Variants in KLF6 observed in about 807,000 individuals in gnomAD.
KLF6 encodes the protein KLF transcription factor 6.
For synonymous variants in KLF6, 152 were observed against 147.9 expected, an observed-to-expected ratio of 1.03 and a Z score of -0.20; for missense variants, 233 against 359.8, an observed-to-expected ratio of 0.65 and a Z score of 2.85.
Position 3,780,350 on chromosome 10 carries a change from C to A in KLF6, c.677-121G>T. ...CCAGGGACCCAGTGGCTTCTGGCAT[C>A]GGTAACACACAACAACTGGCAGCCT... On this transcript the variant is annotated intron_variant, in intron 2 of 3. Coordinates refer to ENST00000497571, the MANE Select transcript of KLF6 (RefSeq NM_001300.6). The surrounding 1 kb of genome is among the most constrained non-coding windows in gnomAD (Gnocchi z 4.6). 8.4e-7 allele frequency: 1 copy of A among 1,186,322 alleles called. No individual in the cohort carries two copies. The highest frequency in any genetic ancestry group is 1.2e-6 in the Non-Finnish European group (1 of 804,940). The allele number at this position is 1,186,322 out of a possible 1,614,324, so 73.5% of individuals were successfully genotyped here.
chr10:3,784,876 C>T, intron 1 of KLF6, 37 bp downstream of exon 1: 1 of 1,582,240 alleles, frequency 6.3e-7, no homozygotes, highest in Non-Finnish European at 8.6e-7. Flanking sequence ...GGCCCGCGCC[C>T]CGGCGCCCGC....
rs1205979759 is a variant in KLF6 at position 3,782,637 on chromosome 10, C to T, written c.103-423G>A. 6.6e-6 allele frequency among the ~76,000 whole-genome samples: 1 copy of T among 152,210 alleles called. No individual in the cohort carries two copies. The highest frequency in any genetic ancestry group is 1.5e-5 in the Non-Finnish European group (1 of 68,038). On this transcript the variant is annotated intron_variant, in intron 1 of 3. Coordinates refer to ENST00000497571, the MANE Select transcript of KLF6 (RefSeq NM_001300.6). The surrounding 1 kb of genome is among the most constrained non-coding windows in gnomAD (Gnocchi z 4.3). ...GAACCATGTGTTTTAAGGAAAGCCC[C>T]AGCCATCCACCCTTCACACTCCACA...
At position 3,781,966 on chromosome 10, in the gene KLF6, C is replaced by T; in HGVS notation, c.351G>A (p.Glu117=). The T allele has an allele frequency of 6.2e-7, 1 of 1,614,178 alleles. No individual in the cohort carries two copies. The highest frequency in any genetic ancestry group is 8.5e-7 in the Non-Finnish European group (1 of 1,180,038). Residue 117 remains glutamate (E), a synonymous_variant, in exon 2 of 4, where the codon GAG becomes GAA. Coordinates refer to ENST00000497571, the MANE Select transcript of KLF6 (RefSeq NM_001300.6). The surrounding 1 kb of genome is among the most constrained non-coding windows in gnomAD (Gnocchi z 5.8). ...DVSSESSDSS[E]ELSPTAKFTS... is the part of the protein sequence containing the mutation. ...TAAACTTGGCCGTGGGAGAAAGTTC[C>T]TCGGAGCTGTCAGAGGATTCGCTGC...
At position 3,784,928 on chromosome 10, in the gene KLF6, C is replaced by T. The variant is rs762752613; in HGVS notation, c.87G>A (p.Glu29=). 1 of 1,606,308 alleles carries T rather than the reference C, an allele frequency of 6.2e-7. No individual in the cohort carries two copies. Among genetic ancestry groups the T allele is most frequent in the Non-Finnish European group, 8.5e-7 (1 of 1,175,774 alleles). The change falls in exon 1 of 4, where the codon GAG becomes GAA. Residue 29 remains glutamate, a synonymous_variant. Coordinates refer to ENST00000497571, the MANE Select transcript of KLF6 (RefSeq NM_001300.6). ...CTGCGTTTACCTGTTGCCAGTACTC[C>T]TCCAGAGACGGCAGCGCCGAGAAGT... The part of the protein sequence containing the change: ...TGYFSALPSL[E]EYWQQTCLEL...
chr10:3,777,002 C>CA lies in KLF6; in HGVS notation c.*2536dup, dbSNP rs998066683. Reference sequence around the variant, plus strand: ...TGTTATGGCTAAGCACATAGAAGGCCAAAAAAGGAGTTTTCCAAACCCAGC... The same window carrying CA: ...TGTTATGGCTAAGCACATAGAAGGCCAAAAAAAGGAGTTTTCCAAACCCAGC... On this transcript the variant is annotated 3_prime_UTR_variant, in exon 4 of 4. Coordinates refer to ENST00000497571, the MANE Select transcript of KLF6 (RefSeq NM_001300.6). The CA allele has an allele frequency of 1.7e-5, 9 of 515,920 alleles. No homozygotes were observed. Among genetic ancestry groups the CA allele is most frequent in the Non-Finnish European group, 3.0e-5 (8 of 265,356 alleles). The allele number at this position is 515,920 out of a possible 1,614,324, so 32.0% of individuals were successfully genotyped here. A position where few individuals can be genotyped will look rare whatever the true frequency, so the allele number is the denominator to read the frequency against.
At position 3,776,558 on chromosome 10, in the gene KLF6, A is replaced by G. The variant is rs1484665669; in HGVS notation, c.*2981T>C. 3 of 526,672 alleles carry G rather than the reference A, an allele frequency of 5.7e-6. No homozygotes were observed. Among genetic ancestry groups the G allele is most frequent in the South Asian group, 1.5e-5 (1 of 65,072 alleles). The allele number at this position is 526,672 out of a possible 1,614,324, so 32.6% of individuals were successfully genotyped here. A position where few individuals can be genotyped will look rare whatever the true frequency, so the allele number is the denominator to read the frequency against. On this transcript the variant is annotated 3_prime_UTR_variant, in exon 4 of 4. Coordinates refer to ENST00000497571, the MANE Select transcript of KLF6 (RefSeq NM_001300.6). Reference sequence around the variant, plus strand: ...AAAAACAACCAGACTCAAGATGCTGATAAGAATTCTTTTATGTTATTCCAA... The same window carrying G: ...AAAAACAACCAGACTCAAGATGCTGGTAAGAATTCTTTTATGTTATTCCAA...
At chr10:3,783,157 G>A (rs1197528451) in intron 1 of KLF6, 1 of 152,128 alleles carries the variant, frequency 6.6e-6, no homozygotes, top group Non-Finnish European at 1.5e-5. Flanking sequence ...TAAGGACCCA[G>A]CTCAAATGGA....
rs200755942 is a variant in KLF6 at position 3,777,234 on chromosome 10, C to A, written c.*2305G>T. ...CACATGTGTGTATATATATATAAAG[C>A]AAAGAGCCACACCCACAAGCCAGCA... is the stretch of plus-strand genomic sequence containing the variant. On this transcript the variant is annotated 3_prime_UTR_variant, in exon 4 of 4. Transcript: ENST00000497571. 1.9e-6 allele frequency: 1 copy of A among 515,648 alleles called. No homozygotes were observed. Among genetic ancestry groups the A allele is most frequent in the Non-Finnish European group, 3.8e-6 (1 of 265,310 alleles). 31.9% of individuals were successfully genotyped at this position (515,648 alleles called of 1,614,324 possible). A position where few individuals can be genotyped will look rare whatever the true frequency, so the allele number is the denominator to read the frequency against.
At position 3,776,793 on chromosome 10, in the gene KLF6, T is replaced by C. The variant is rs560049025; in HGVS notation, c.*2746A>G. 5.8e-6 allele frequency: 3 copies of C among 516,958 alleles called. No homozygotes were observed. Among genetic ancestry groups the C allele is most frequent in the East Asian group, 4.2e-5 (1 of 23,920 alleles). The allele number at this position is 516,958 out of a possible 1,614,324, so 32.0% of individuals were successfully genotyped here. On this transcript the variant is annotated 3_prime_UTR_variant, in exon 4 of 4. Transcript: ENST00000497571. ...GCTTGATTGAGGCTCAGTTATCACC[T>C]GAACAGAATGTACTTCTTTATGTAC...
In KLF6 at chr10:3,778,046, A is replaced by T; in HGVS notation, c.*1493T>A. The T allele has an allele frequency of 2.0e-6, 1 of 512,472 alleles. No homozygotes were observed. The highest frequency in any genetic ancestry group is 3.8e-6 in the Non-Finnish European group (1 of 262,552). 31.7% of individuals were successfully genotyped at this position (512,472 alleles called of 1,614,324 possible). On this transcript the variant is annotated 3_prime_UTR_variant, in exon 4 of 4. Coordinates refer to ENST00000497571, the MANE Select transcript of KLF6 (RefSeq NM_001300.6). Reference sequence around the variant, plus strand: ...AAGTCTCAAGGTGGCAGAATTGGTCAGATTTTTCCATTTTCCTGTTTTCCA... The same window carrying T: ...AAGTCTCAAGGTGGCAGAATTGGTCTGATTTTTCCATTTTCCTGTTTTCCA...
At chr10:3,779,906 T>G (rs541486465) in intron 3 of KLF6, among the ~76,000 whole-genome samples, 200 bp downstream of exon 3, 2 of 152,360 alleles carry the variant, frequency 1.3e-5, no homozygotes, top group East Asian at 3.9e-4. Flanking sequence ...CAATGTCAGG[T>G]GTATGTGGAA....
chr10:3,776,167 G>C lies in KLF6; in HGVS notation c.*3372C>G. 2 of 531,102 alleles carry C rather than the reference G, an allele frequency of 3.8e-6. No individual in the cohort carries two copies. The highest frequency in any genetic ancestry group is 1.5e-5 in the South Asian group (1 of 65,154). The allele number at this position is 531,102 out of a possible 1,614,324, so 32.9% of individuals were successfully genotyped here. ...GAAGGTAGGCCCAGCTCTAGCTGCGGAACTGGAGCAGGCTGTGGAGGCACA... is the reference window on the plus strand; with the variant it reads ...GAAGGTAGGCCCAGCTCTAGCTGCGCAACTGGAGCAGGCTGTGGAGGCACA... On this transcript the variant is annotated 3_prime_UTR_variant, in exon 4 of 4. Transcript: ENST00000497571.
chr10:3,776,436 G>C lies in KLF6; in HGVS notation c.*3103C>G, dbSNP rs1392572148. 1.9e-6 allele frequency: 1 copy of C among 532,112 alleles called. No homozygotes were observed. Among genetic ancestry groups the C allele is most frequent in the Admixed American group, 2.2e-5 (1 of 44,966 alleles). The allele number at this position is 532,112 out of a possible 1,614,324, so 33.0% of individuals were successfully genotyped here. A position where few individuals can be genotyped will look rare whatever the true frequency, so the allele number is the denominator to read the frequency against. On this transcript the variant is annotated 3_prime_UTR_variant, in exon 4 of 4. Coordinates refer to ENST00000497571, the MANE Select transcript of KLF6 (RefSeq NM_001300.6). ...AAGAGGAAGGGGCTGAGGTCGGTGA[G>C]TTGTTCTCAGGGTTGCTCAATGAAG...
chr10:3,776,204 G>A lies in KLF6; in HGVS notation c.*3335C>T, dbSNP rs1832369047. ...GCTGTGGAGGCACAGAAGTGGCAGG[G>A]AAACACTCAAGTTTGTCGTTGTGCA... On this transcript the variant is annotated 3_prime_UTR_variant, in exon 4 of 4. Coordinates refer to ENST00000497571, the MANE Select transcript of KLF6 (RefSeq NM_001300.6). The A allele has an allele frequency of 1.9e-6, 1 of 532,568 alleles. No individual in the cohort carries two copies. Among genetic ancestry groups the A allele is most frequent in the Admixed American group, 2.2e-5 (1 of 44,954 alleles). 33.0% of individuals were successfully genotyped at this position (532,568 alleles called of 1,614,324 possible).
In KLF6 at chr10:3,781,186, G is replaced by A. The variant is rs367780438; in HGVS notation, c.676+455C>T. 4.4e-5 allele frequency: 16 copies of A among 362,232 alleles called. No individual in the cohort carries two copies. The Admixed American group carries it at 5.2e-4, about 12-fold the overall frequency. The allele number at this position is 362,232 out of a possible 1,614,324, so 22.4% of individuals were successfully genotyped here. ...AATGCTGCTGCTTACAGAGCAGGCC[G>A]GTCCCACTCGGGCCTCGGGCCGTCA... On this transcript the variant is annotated intron_variant, in intron 2 of 3. Transcript: ENST00000497571. This position sits in a 1 kb window ranked among gnomAD's most constrained non-coding sequence, Gnocchi z 5.8.
rs918624482 is a variant in KLF6, at chr10:3,778,189, C to T, written c.*1350G>A. The T allele has an allele frequency of 4.0e-5, 21 of 522,730 alleles. No individual in the cohort carries two copies. Among genetic ancestry groups the T allele is most frequent in the Non-Finnish European group, 6.3e-5 (17 of 269,210 alleles). 32.4% of individuals were successfully genotyped at this position (522,730 alleles called of 1,614,324 possible). A position where few individuals can be genotyped will look rare whatever the true frequency, so the allele number is the denominator to read the frequency against. On this transcript the variant is annotated 3_prime_UTR_variant, in exon 4 of 4. Coordinates refer to ENST00000497571, the MANE Select transcript of KLF6 (RefSeq NM_001300.6). The stretch of plus-strand genomic sequence containing the variant: ...AAAGAGATTTTTTTTCTGTATTATA[C>T]GTTGATACAGTACACTGCCAGGTGA...
At position 3,776,343 on chromosome 10, in the gene KLF6, T is replaced by C. The variant is rs1160129192; in HGVS notation, c.*3196A>G. On this transcript the variant is annotated 3_prime_UTR_variant, in exon 4 of 4. Transcript: ENST00000497571. ...TTGTCAGTCCTTGGAGAAGAGTATT[T>C]GATGCATTCAGGGAGGGCAATGTCA... is the stretch of plus-strand genomic sequence containing the variant. The C allele has an allele frequency of 3.8e-6, 2 of 532,528 alleles. No homozygotes were observed. Among genetic ancestry groups the C allele is most frequent in the South Asian group, 3.1e-5 (2 of 65,154 alleles). The allele number at this position is 532,528 out of a possible 1,614,324, so 33.0% of individuals were successfully genotyped here.
chr10:3,785,125 GGCTCGCAGAGAC>G lies in KLF6; in HGVS notation c.-123_-112del, dbSNP rs1454595093. ...AGGTGAAAGTTTCATGCAAACTCCA[GGCTCGCAGAGAC>G]GCCCGGCCGGACCCTCCCGCAGCCC... is the stretch of plus-strand genomic sequence containing the variant. On this transcript the variant is annotated 5_prime_UTR_variant, in exon 1 of 4. Coordinates refer to ENST00000497571, the MANE Select transcript of KLF6 (RefSeq NM_001300.6). The G allele has an allele frequency of 6.4e-7, 1 of 1,553,664 alleles. No individual in the cohort carries two copies. The highest frequency in any genetic ancestry group is 1.2e-5 in the South Asian group (1 of 85,790).
chr10:3,782,951 C>A lies in KLF6; in HGVS notation c.103-737G>T, dbSNP rs1373527934. 6.6e-6 allele frequency among the ~76,000 whole-genome samples: 1 copy of A among 152,188 alleles called. No individual in the cohort carries two copies. Among genetic ancestry groups the A allele is most frequent in the East Asian group, 1.9e-4 (1 of 5,204 alleles). On this transcript the variant is annotated intron_variant, in intron 1 of 3. Coordinates refer to ENST00000497571, the MANE Select transcript of KLF6 (RefSeq NM_001300.6). The surrounding 1 kb of genome is among the most constrained non-coding windows in gnomAD (Gnocchi z 4.3). ...ACAAGGAACTTCAACAACAGGAGTGCAGAAATAATTCCAGCATGGCCATCT... is the reference window on the plus strand; with the variant it reads ...ACAAGGAACTTCAACAACAGGAGTGAAGAAATAATTCCAGCATGGCCATCT...
Sources: gnomAD v4.1 joint callset for allele counts (sites outside exome capture counted in the v4.1 genomes callset) on GRCh38, gnomAD v4.1.1 for gene constraint, Gnocchi (gnomAD v3.1) non-coding constraint, MANE v1.5 for transcripts, NCBI Gene and HGNC (gene_info 2026-07-23, HGNC 2026-07-21) for gene names.